Variants in C21orf91 observed in about 807,000 individuals in gnomAD.
C21orf91 encodes protein EURL homolog.
In C21orf91, 26 loss-of-function variants were observed where a neutral mutation model predicts 32.9. The ratio of observed to expected loss-of-function variants is 0.79; its 90% CI spans 0.58 to 1.10. C21orf91 has a LOEUF of 1.10. C21orf91 is among the 50% of genes least tolerant of loss of function. The pLI is 0.00. For missense variants in C21orf91, 310 were observed against 341.3 expected (o/e 0.91, Z 0.72); for synonymous variants, 126 against 120.4 (o/e 1.05, Z -0.31).
intron 2 of C21orf91, among the ~76,000 whole-genome samples, chr21:17,808,460 C>G (rs575195200): frequency 6.6e-6 from 1 of 152,290 alleles, no homozygotes; most frequent in East Asian, 1.9e-4. Flanking sequence ...GGGTTGGAGC[C>G]CCCACAAAGA....
In C21orf91 at chr21:17,790,791, A is replaced by G. The variant is rs190502336; in HGVS notation, c.*2624T>C. Reference sequence around the variant, plus strand: ...TAGCTTCATTATAAGGCTGAACTTTAAAGAGAACAACCTGTGTGGTCAAAA... The same window carrying G: ...TAGCTTCATTATAAGGCTGAACTTTGAAGAGAACAACCTGTGTGGTCAAAA... On this transcript the variant is annotated 3_prime_UTR_variant, in exon 5 of 5. Coordinates refer to ENST00000284881, the MANE Select transcript of C21orf91 (RefSeq NM_001100420.2). 10 of 152,250 alleles carry G rather than the reference A, an allele frequency of 6.6e-5. No individual in the cohort carries two copies. Among genetic ancestry groups the G allele is most frequent in the Admixed American group, 3.9e-4 (6 of 15,294 alleles). The allele number at this position is 152,250 out of a possible 1,614,324, so 9.4% of individuals were successfully genotyped here. A position where few individuals can be genotyped will look rare whatever the true frequency, so the allele number is the denominator to read the frequency against.
At position 17,796,630 on chromosome 21, in the gene C21orf91, G is replaced by A; in HGVS notation, c.616C>T (p.Pro206Ser). 1 of 1,613,962 alleles carries A rather than the reference G, an allele frequency of 6.2e-7. No homozygotes were observed. The highest frequency in any genetic ancestry group is 8.5e-7 in the Non-Finnish European group (1 of 1,179,908). ...AQKKEETISS[P>S]EANVQTQHPH... ...TGCTGGGTCTGGACATTAGCCTCTG[G>A]ACTAGAGATTGTCTCTTCTTTTTTC... Residue 206 changes from proline to serine, a missense_variant, in exon 3 of 5, where the codon CCA becomes TCA. Coordinates refer to ENST00000284881, the MANE Select transcript of C21orf91 (RefSeq NM_001100420.2).
intron 2 of C21orf91, among the ~76,000 whole-genome samples, chr21:17,809,411 G>A (rs2062618331): frequency 6.6e-6 from 1 of 152,176 alleles, no homozygotes; most frequent in Non-Finnish European, 1.5e-5. Context: ...AGTATTCCAT[G>A]TTAATCTTGA....
At chr21:17,803,552 C>T (rs942089622) in intron 2 of C21orf91, among the ~76,000 whole-genome samples, 2 of 152,084 alleles carry the variant, frequency 1.3e-5, no homozygotes, top group Non-Finnish European at 2.9e-5. Flanking sequence ...TGGAGGCTCA[C>T]ATTTGGCACA....
chr21:17,810,379 A>T (rs538389409), intron 2 of C21orf91: 53 of 152,378 alleles, frequency 3.5e-4, no homozygotes, highest in African/African-American at 1.1e-3. Context: ...GTATTTCTAA[A>T]TATGTTCTAA....
chr21:17,818,797 T>A (rs1444554214), intron 1 of C21orf91: 1 of 152,524 alleles, frequency 6.6e-6, no homozygotes, highest in Non-Finnish European at 1.5e-5. Flanking sequence ...GAACTCGGAG[T>A]TGCGAAGCTT....
At chr21:17,818,154 A>G (rs756627793) in intron 2 of C21orf91, 38 bp downstream of exon 2, 12 of 1,537,610 alleles carry the variant, frequency 7.8e-6, no homozygotes, top group Non-Finnish European at 7.2e-6. Flanking sequence ...GCTGTGTTAA[A>G]TTCATTCCAT....
intron 2 of C21orf91, among the ~76,000 whole-genome samples, chr21:17,807,988 T>A (rs549017706): frequency 2.6e-5 from 4 of 152,318 alleles, no homozygotes; most frequent in African/African-American, 9.6e-5. Flanking sequence ...GCTCATTTTC[T>A]GGGGAGGAAT....
chr21:17,803,838 T>C (rs2146254751), intron 2 of C21orf91, among the ~76,000 whole-genome samples: 1 of 152,206 alleles, frequency 6.6e-6, no homozygotes, highest in Non-Finnish European at 1.5e-5. Context: ...TGGGTAGAAG[T>C]GGCACTCCCA....
At position 17,796,818 on chromosome 21, in the gene C21orf91, G is replaced by C. The variant is rs757568024; in HGVS notation, c.428C>G (p.Ser143Cys). The change falls in exon 3 of 5, where the codon TCT (serine) becomes TGT (cysteine). Residue 143 changes from serine (S) to cysteine (C), a missense_variant. By Grantham distance (112) the Ser-to-Cys change is moderately radical. Coordinates refer to ENST00000284881, the MANE Select transcript of C21orf91 (RefSeq NM_001100420.2). ...PQFDSQVPKY[S>C]AKWIDGSAGG... Reference sequence around the variant, plus strand: ...TGCACTTCCATCTATCCATTTTGCAGAATATTTTGGTACTTGGGAGTCAAA... The same window carrying C: ...TGCACTTCCATCTATCCATTTTGCACAATATTTTGGTACTTGGGAGTCAAA... 6.2e-7 allele frequency: 1 copy of C among 1,613,912 alleles called. No homozygotes were observed. Among genetic ancestry groups the C allele is most frequent in the South Asian group, 1.1e-5 (1 of 91,072 alleles).
Position 17,793,461 on chromosome 21 carries a change from T to C in C21orf91, c.848A>G (p.Gln283Arg). ...CGACTTCATTCCTGTTCGCCCTACT[T>C]GCAGACATGGTAACTTAGAACAGTT... is the stretch of plus-strand genomic sequence containing the variant. ...LKNCSKLPCLQVGRTGMKSHL... is the reference protein window; with the variant it reads ...LKNCSKLPCLRVGRTGMKSHL... The change falls in exon 5 of 5, where the codon CAA becomes CGA. Residue 283 changes from glutamine (Q) to arginine (R), a missense_variant. Gln to Arg is a conservative substitution (Grantham distance 43). Transcript: ENST00000284881. The C allele has an allele frequency of 6.2e-7, 1 of 1,613,248 alleles. No homozygotes were observed. The highest frequency in any genetic ancestry group is 8.5e-7 in the Non-Finnish European group (1 of 1,179,524).
Position 17,791,752 on chromosome 21 carries a change from A to G in C21orf91, c.*1663T>C, listed in dbSNP as rs1190712368. 1 of 152,132 alleles carries G rather than the reference A, an allele frequency of 6.6e-6. No homozygotes were observed. The highest frequency in any genetic ancestry group is 1.5e-5 in the Non-Finnish European group (1 of 67,970). The allele number at this position is 152,132 out of a possible 1,614,324, so 9.4% of individuals were successfully genotyped here. ...ATCAAAACTAAGGCAATGCATCCAT[A>G]CTCCCTGGATTTTAAATTCATTTTG... On this transcript the variant is annotated 3_prime_UTR_variant, in exon 5 of 5. Coordinates refer to ENST00000284881, the MANE Select transcript of C21orf91 (RefSeq NM_001100420.2).
chr21:17,806,040 CATA>C (rs369880320), intron 2 of C21orf91, among the ~76,000 whole-genome samples: 144 of 152,292 alleles, frequency 9.5e-4, no homozygotes, highest in African/African-American at 3.2e-3. Flanking sequence ...AAAATGCCTT[CATA>C]ATAATAACCA....
rs1039118840 is a variant in C21orf91 at position 17,792,661 on chromosome 21, G to A, written c.*754C>T. 5 of 152,230 alleles carry A rather than the reference G, an allele frequency of 3.3e-5. No individual in the cohort carries two copies. The highest frequency in any genetic ancestry group is 5.9e-5 in the Non-Finnish European group (4 of 67,998). 9.4% of individuals were successfully genotyped at this position (152,230 alleles called of 1,614,324 possible). ...ATTTCTATGGAGACAAATTGACATAGAAGCCAGATTAGTCTTTTCTTCCTG... is the reference window on the plus strand; with the variant it reads ...ATTTCTATGGAGACAAATTGACATAAAAGCCAGATTAGTCTTTTCTTCCTG... On this transcript the variant is annotated 3_prime_UTR_variant, in exon 5 of 5. Transcript: ENST00000284881.
At chr21:17,809,829 G>A (rs564815443) in intron 2 of C21orf91, among the ~76,000 whole-genome samples, 2 of 152,208 alleles carry the variant, frequency 1.3e-5, no homozygotes, top group East Asian at 3.9e-4. Flanking sequence ...TAAAATTATG[G>A]TGAAATCAAC....
intron 2 of C21orf91, chr21:17,813,908 G>A (rs1225914642): frequency 6.6e-6 from 1 of 152,072 alleles, no homozygotes; most frequent in Non-Finnish European, 1.5e-5. Flanking sequence ...AGACTGAGGT[G>A]GGAGAATTGC....
intron 2 of C21orf91, among the ~76,000 whole-genome samples, chr21:17,811,826 G>A (rs931498592): frequency 4.0e-5 from 6 of 151,860 alleles, no homozygotes. Flanking sequence ...TTATTAACAG[G>A]ATATTCTGGG....
Position 17,796,838 on chromosome 21 carries a change from G to C in C21orf91, c.408C>G (p.Asp136Glu), listed in dbSNP as rs1047978. ...TTGCAGAATATTTTGGTACTTGGGA[G>C]TCAAACTGTGGGAGTAATTTTTCTT... is the stretch of plus-strand genomic sequence containing the variant. Reference protein sequence around the residue: ...KPEEKLLPQFDSQVPKYSAKW... With the variant: ...KPEEKLLPQFESQVPKYSAKW... Residue 136 changes from aspartate (D) to glutamate (E), a missense_variant, in exon 3 of 5, where the codon GAC becomes GAG. Physicochemically the swap from Asp to Glu is conservative, Grantham distance 45 (BLOSUM62 2). Coordinates refer to ENST00000284881, the MANE Select transcript of C21orf91 (RefSeq NM_001100420.2). 533,165 of 1,613,078 alleles carry C rather than the reference G, an allele frequency of 0.33. 91,237 individuals are homozygous for C. Among genetic ancestry groups the C allele is most frequent in the East Asian group, 0.36 (16,236 of 44,856 alleles).
chr21:17,799,281 TTATC>T (rs779669601), intron 2 of C21orf91, among the ~76,000 whole-genome samples: 3 of 152,116 alleles, frequency 2.0e-5, no homozygotes, highest in Non-Finnish European at 4.4e-5. Context: ...CTTGTAATGT[TTATC>T]TACTGTTTCT....
Sources: allele counts gnomAD v4.1 joint callset (sites outside exome capture counted in the v4.1 genomes callset), GRCh38; gene constraint gnomAD v4.1.1; transcripts MANE v1.5; gene names NCBI Gene and HGNC (gene_info 2026-07-23, HGNC 2026-07-21).